Variants in ADAMTSL1 observed in about 807,000 individuals in gnomAD.
The protein encoded by ADAMTSL1 is ADAMTS-like protein 1.
A neutral mutation model predicts 201.8 loss-of-function variants in ADAMTSL1; 126 were observed. That is an observed-to-expected ratio of 0.62 (90% CI 0.54 to 0.72). The LOEUF (loss-of-function observed/expected upper bound fraction) is 0.72, where lower values mean the gene tolerates loss of function less well. Among genes scored for constraint, ADAMTSL1 ranks in the 30% least tolerant of loss-of-function variants. The pLI is 0.00. For synonymous variants in ADAMTSL1, 1,121 were observed against 903.4 expected (o/e 1.24, Z -4.32); for missense variants, 2,679 against 2,277.8 (o/e 1.18, Z -3.59).
intron 14 of ADAMTSL1, among the ~76,000 whole-genome samples, chr9:18,711,389 A>ATG (rs1832584060): frequency 6.6e-6 from 1 of 152,052 alleles, no homozygotes. Flanking sequence ...GTGGGTGAGC[A>ATG]CACCGTGCGC....
chr9:18,212,807 C>T (rs1247785837), intron 2 of ADAMTSL1, among the ~76,000 whole-genome samples: 1 of 152,104 alleles, frequency 6.6e-6, no homozygotes, highest in Admixed American at 6.5e-5. Context: ...ACCCTTAGGT[C>T]ACACTGAGAC....
chr9:18,616,850 G>A (rs1825729875), intron 4 of ADAMTSL1, among the ~76,000 whole-genome samples: 1 of 152,066 alleles, frequency 6.6e-6, no homozygotes, highest in African/African-American at 2.4e-5. Flanking sequence ...GAAAGGTTAA[G>A]CATAAGCAAA....
intron 2 of ADAMTSL1, among the ~76,000 whole-genome samples, chr9:18,372,403 A>G (rs1339577249): frequency 3.9e-5 from 6 of 152,210 alleles, no homozygotes; most frequent in African/African-American, 1.4e-4. Context: ...AAGACCTTTA[A>G]GATAACTATC....
intron 1 of ADAMTSL1, among the ~76,000 whole-genome samples, chr9:18,492,415 T>C (rs1587364474): frequency 6.6e-6 from 1 of 152,340 alleles, no homozygotes; most frequent in South Asian, 2.1e-4. Flanking sequence ...AGCATTTCTT[T>C]TATTATTCAG....
At chr9:18,661,913 C>T (rs373835128) in intron 8 of ADAMTSL1, 22 bp from the exon 9 acceptor site, 2 of 1,606,140 alleles carry the variant, frequency 1.2e-6, no homozygotes, top group African/African-American at 2.7e-5. Context: ...TTTAAACTTG[C>T]CTGGATGGTT....
intron 1 of ADAMTSL1, among the ~76,000 whole-genome samples, chr9:18,044,313 C>T (rs1000947129): frequency 6.6e-6 from 1 of 151,806 alleles, no homozygotes; most frequent in African/African-American, 2.4e-5. Flanking sequence ...AGGACTTCAC[C>T]TGATAGAAAT....
At chr9:18,837,158 T>C (rs1325043770) in intron 23 of ADAMTSL1, among the ~76,000 whole-genome samples, 2 of 152,216 alleles carry the variant, frequency 1.3e-5, no homozygotes, top group Non-Finnish European at 2.9e-5. Context: ...GCTCATTCTT[T>C]TAGCATTGTA....
At chr9:18,813,708 T>C (rs1448228432) in intron 20 of ADAMTSL1, among the ~76,000 whole-genome samples, 2 of 152,366 alleles carry the variant, frequency 1.3e-5, no homozygotes, top group East Asian at 3.9e-4. Flanking sequence ...CTAACAATTT[T>C]TTAGTAAAGT....
At chr9:18,578,352 G>A (rs1390220759) in intron 4 of ADAMTSL1, among the ~76,000 whole-genome samples, 2 of 152,080 alleles carry the variant, frequency 1.3e-5, no homozygotes, top group Non-Finnish European at 2.9e-5. Flanking sequence ...ATCCCCAGTG[G>A]GTGATTGTGT....
chr9:18,612,909 AT>A (rs1390534736), intron 4 of ADAMTSL1, among the ~76,000 whole-genome samples: 4 of 152,350 alleles, frequency 2.6e-5, no homozygotes, highest in African/African-American at 9.6e-5. Flanking sequence ...GAAAGAAACT[AT>A]CATCAGAGTG....
chr9:18,023,990 T>C (rs1820589013), intron 1 of ADAMTSL1, among the ~76,000 whole-genome samples: 1 of 152,118 alleles, frequency 6.6e-6, no homozygotes, highest in South Asian at 2.1e-4. Context: ...TAGATCTTTA[T>C]TCAAATGTCT....
In ADAMTSL1 at chr9:18,706,615, G is replaced by A. The variant is rs1832246968; in HGVS notation, c.1575-132G>A. ...AAACTGAAGCGCCATCACAGGACAG[G>A]GTGGAGGAGCCCTGAGTACCCCTGG... On this transcript the variant is annotated intron_variant, in intron 13 of 28. Coordinates refer to ENST00000380548, the MANE Select transcript of ADAMTSL1 (RefSeq NM_001040272.6). 9.2e-6 allele frequency: 8 copies of A among 868,010 alleles called. No homozygotes were observed. The South Asian group carries it at 1.3e-4, about 14-fold the overall frequency. The allele number at this position is 868,010 out of a possible 1,614,324, so 53.8% of individuals were successfully genotyped here. A position where few individuals can be genotyped will look rare whatever the true frequency, so the allele number is the denominator to read the frequency against.
intron 19 of ADAMTSL1, among the ~76,000 whole-genome samples, chr9:18,791,475 G>A (rs1219775667): frequency 2.6e-5 from 4 of 152,064 alleles, no homozygotes; most frequent in African/African-American, 7.2e-5. Flanking sequence ...AAGAAAGCAC[G>A]ACTAAACAGT....
chr9:18,905,373 G>C (rs150610843), intron 26 of ADAMTSL1: 125 of 164,410 alleles, frequency 7.6e-4, no homozygotes, highest in African/African-American at 3.0e-3. Flanking sequence ...TGGTTATTTG[G>C]ATGACTTTAG....
At chr9:18,582,892 A>T (rs1169585966) in intron 4 of ADAMTSL1, among the ~76,000 whole-genome samples, 5 of 150,040 alleles carry the variant, frequency 3.3e-5, no homozygotes, top group African/African-American at 7.5e-5. Flanking sequence ...TAAAATAAAA[A>T]TAAAATAAAA....
intron 23 of ADAMTSL1, among the ~76,000 whole-genome samples, chr9:18,861,022 TCACAGAGATCATATACACATCCCTCATTA>T (rs1827181974): frequency 2.6e-5 from 4 of 151,934 alleles, no homozygotes. Context: ...ATCCCTCGTT[TCACAGAGATCATATACACATCCCTCATTA>T]TACAGAGATC....
Position 18,179,433 on chromosome 9 carries a change from C to A in ADAMTSL1, c.207+15452C>A, listed in dbSNP as rs567529030. Among the ~76,000 whole-genome samples, 12 of 152,214 alleles carry A rather than the reference C, an allele frequency of 7.9e-5. No homozygotes were observed. The East Asian group carries it at 1.9e-3, about 25-fold the overall frequency. ...CCTGAAAGTGACGGGGAGAATGGAA[C>A]CAAGTGGGAAAACACTCTGCAGGAT... On this transcript the variant is annotated intron_variant, in intron 2 of 29. Transcript: ENST00000680146.
At chr9:18,610,751 T>C (rs908349284) in intron 4 of ADAMTSL1, among the ~76,000 whole-genome samples, 1 of 152,138 alleles carries the variant, frequency 6.6e-6, no homozygotes, top group Non-Finnish European at 1.5e-5. Flanking sequence ...GGGACATAGA[T>C]AAATCCCTCT....
At chr9:18,344,278 C>A (rs936413594) in intron 2 of ADAMTSL1, among the ~76,000 whole-genome samples, 5 of 151,790 alleles carry the variant, frequency 3.3e-5, no homozygotes, top group Non-Finnish European at 7.4e-5. Context: ...AAAGGAGTAA[C>A]CTTTTCCTTT....
Sources: allele counts gnomAD v4.1 joint callset (sites outside exome capture counted in the v4.1 genomes callset), GRCh38; gene constraint gnomAD v4.1.1; transcripts MANE v1.5; gene names NCBI Gene and HGNC (gene_info 2026-07-23, HGNC 2026-07-21).